COLEC10: variants seen among roughly 807,000 people sequenced by gnomAD.
COLEC10 encodes collectin subfamily member 10.
Under a neutral mutation model 28.4 loss-of-function variants are expected in COLEC10, and 22 were observed. The ratio of observed to expected loss-of-function variants is 0.78; its 90% confidence interval spans 0.55 to 1.11. The LOEUF (loss-of-function observed/expected upper bound fraction) is 1.11, where lower values mean the gene tolerates loss of function less well. Among genes scored for constraint, COLEC10 ranks in the 50% least tolerant of loss-of-function variants. COLEC10 has a pLI of 0.00. For synonymous variants in COLEC10, 125 were observed against 116.1 expected (o/e 1.08, Z -0.49); for missense variants, 361 against 344.1 (o/e 1.05, Z -0.39).
At chr8:118,979,527 GT>G in the COLEC10 span, among the ~76,000 whole-genome samples, 1 of 150,976 alleles carries the variant, frequency 6.6e-6, no homozygotes, top group Non-Finnish European at 1.5e-5. Flanking sequence ...TTTGTTTTCA[GT>G]TTTTTTTCAA....
chr8:119,010,668 A>T (rs774728543), intron 2 of COLEC10, among the ~76,000 whole-genome samples: 29 of 151,146 alleles, frequency 1.9e-4, no homozygotes, highest in Non-Finnish European at 3.8e-4. Context: ...CCAGCATTTG[A>T]TGCCAGTGTT....
chr8:118,966,189 A>T, the COLEC10 span, among the ~76,000 whole-genome samples: 1 of 152,170 alleles, frequency 6.6e-6, no homozygotes, highest in Non-Finnish European at 1.5e-5. Flanking sequence ...AAAATTTAGT[A>T]GATCCTTATA....
intron 2 of COLEC10, among the ~76,000 whole-genome samples, chr8:119,013,466 C>T (rs1442181768): frequency 6.6e-6 from 1 of 150,544 alleles, no homozygotes; most frequent in Admixed American, 6.6e-5. Context: ...CTCTAGATTT[C>T]AATTATATTC....
intron 1 of COLEC10, among the ~76,000 whole-genome samples, chr8:119,079,393 C>T (rs1043925620): frequency 6.6e-5 from 10 of 152,156 alleles, no homozygotes; most frequent in African/African-American, 1.7e-4. Context: ...TTGAACCAAG[C>T]GCTTTGATCC....
At chr8:119,081,457 G>A (rs913187205) in intron 1 of COLEC10, among the ~76,000 whole-genome samples, 13 of 151,426 alleles carry the variant, frequency 8.6e-5, no homozygotes, top group South Asian at 2.1e-4. Flanking sequence ...CTTATCATTC[G>A]TTTATAAACT....
At chr8:119,005,399 A>G (rs1563714381) in intron 1 of COLEC10, among the ~76,000 whole-genome samples, 1 of 152,136 alleles carries the variant, frequency 6.6e-6, no homozygotes, top group Non-Finnish European at 1.5e-5. Flanking sequence ...CTCAAGCTAC[A>G]CAGTTTTTCT....
intron 1 of COLEC10, among the ~76,000 whole-genome samples, chr8:119,080,520 A>G (rs1473766434): frequency 6.6e-6 from 1 of 152,196 alleles, no homozygotes; most frequent in Admixed American, 6.6e-5. Flanking sequence ...TCAAGGATAT[A>G]ACTCCATCAA....
intron 2 of COLEC10, among the ~76,000 whole-genome samples, chr8:119,042,436 A>G (rs1814517024): frequency 6.6e-6 from 1 of 151,668 alleles, no homozygotes; most frequent in Non-Finnish European, 1.5e-5. Context: ...TTATTTGTAA[A>G]TAGCCGTGTT....
At chr8:118,996,809 T>A (rs913273637) in intron 1 of COLEC10, among the ~76,000 whole-genome samples, 1 of 152,086 alleles carries the variant, frequency 6.6e-6, no homozygotes, top group Non-Finnish European at 1.5e-5. Flanking sequence ...TCAGGGAGCT[T>A]TGGTTCATGG....
the COLEC10 span, among the ~76,000 whole-genome samples, chr8:118,962,819 T>G: frequency 6.6e-6 from 1 of 152,226 alleles, no homozygotes; most frequent in African/African-American, 2.4e-5. Context: ...TCTGCTTTTA[T>G]GATTTTGACT....
At chr8:119,004,558 T>C (rs1443245814) in intron 1 of COLEC10, among the ~76,000 whole-genome samples, 1 of 151,120 alleles carries the variant, frequency 6.6e-6, no homozygotes, top group Non-Finnish European at 1.5e-5. Context: ...TATTCAAGCA[T>C]ATATATCACC....
At chr8:118,997,268 T>G (rs758691270) in intron 1 of COLEC10, among the ~76,000 whole-genome samples, 3 of 152,176 alleles carry the variant, frequency 2.0e-5, no homozygotes, top group African/African-American at 7.2e-5. Context: ...ATATTTTCAC[T>G]CTGTTGATTG....
chr8:118,956,283 A>G, the COLEC10 span, among the ~76,000 whole-genome samples: 1 of 152,182 alleles, frequency 6.6e-6, no homozygotes, highest in Admixed American at 6.5e-5. Context: ...GAGGAACACA[A>G]CATTCAGTCC....
At chr8:118,998,262 G>A (rs551521859) in intron 1 of COLEC10, among the ~76,000 whole-genome samples, 3 of 152,220 alleles carry the variant, frequency 2.0e-5, no homozygotes, top group African/African-American at 4.8e-5. Context: ...ATTTCCCAGA[G>A]ACAGTAAATA....
intron 1 of COLEC10, among the ~76,000 whole-genome samples, chr8:119,070,476 T>TCTCTCTCTCTCTCTCTCC (rs1554627418): frequency 1.0e-5 from 1 of 99,040 alleles, no homozygotes; most frequent in Non-Finnish European, 1.9e-5. Context: ...TCTCTCTCTC[T>TCTCTCTCTCTCTCTCTCC]CCTTCCCCCT....
intron 2 of COLEC10, among the ~76,000 whole-genome samples, chr8:119,021,022 A>G (rs1814081069): frequency 6.6e-6 from 1 of 152,196 alleles, no homozygotes; most frequent in Non-Finnish European, 1.5e-5. Flanking sequence ...TATGGAATAT[A>G]GAAATTGATG....
chr8:118,953,177 C>G, the COLEC10 span, among the ~76,000 whole-genome samples: 1 of 152,162 alleles, frequency 6.6e-6, no homozygotes, highest in Admixed American at 6.5e-5. Flanking sequence ...TTACAGAAGA[C>G]GGGGTGTCAT....
chr8:119,007,928 A>G lies in COLEC10; in HGVS notation n.123-1513A>G, dbSNP rs533915881. 1.3e-5 allele frequency among the ~76,000 whole-genome samples: 2 copies of G among 151,016 alleles called. 1 individual carries two copies. Among genetic ancestry groups the G allele is most frequent in the South Asian group, 4.1e-4 (2 of 4,828 alleles). On this transcript the variant is annotated intron_variant and non_coding_transcript_variant, in intron 1 of 6. Transcript: ENST00000521788. The stretch of plus-strand genomic sequence containing the variant: ...ATAGGTTTTCATGAGATATAATGAG[A>G]TAATCTACATTAACCCTGAGCCTGA...
rs1815956731 is a variant in COLEC10, at chr8:119,106,864, G to A, written c.*673G>A. ...CGATTTCACTAACATATACCAAGTAGGTGCTTTGAACCCCTTTCTGTAGGC... is the reference window on the plus strand; with the variant it reads ...CGATTTCACTAACATATACCAAGTAAGTGCTTTGAACCCCTTTCTGTAGGC... On this transcript the variant is annotated 3_prime_UTR_variant, in exon 6 of 6. Coordinates refer to ENST00000332843, the MANE Select transcript of COLEC10 (RefSeq NM_006438.5). Among the ~76,000 whole-genome samples, 1 of 152,074 alleles carries A rather than the reference G, an allele frequency of 6.6e-6. No homozygotes were observed. The highest frequency in any genetic ancestry group is 2.1e-4 in the South Asian group (1 of 4,826).
Sources: gnomAD v4.1 joint callset for allele counts (sites outside exome capture counted in the v4.1 genomes callset) on GRCh38, gnomAD v4.1.1 for gene constraint, MANE v1.5 for transcripts, NCBI Gene and HGNC (gene_info 2026-07-23, HGNC 2026-07-21) for gene names.